TMEM117: variants seen among roughly 807,000 people sequenced by gnomAD.
The protein encoded by TMEM117 is transmembrane protein 117.
TMEM117 carries 27 observed loss-of-function variants against 52.4 expected under a neutral mutation model. The observed-to-expected ratio is 0.51, with a 90% CI of 0.38 to 0.71. The LOEUF is 0.71. Among genes scored for constraint, TMEM117 ranks in the 30% least tolerant of loss-of-function variants. The probability of loss-of-function intolerance (pLI) is 0.00; values close to 1 mark genes in which losing one functional copy is unlikely to be tolerated. For synonymous variants in TMEM117, 215 were observed against 206.3 expected, an observed-to-expected ratio of 1.04 and a Z score of -0.36; for missense variants, 556 against 630.5, an observed-to-expected ratio of 0.88 and a Z score of 1.26.
chr12:43,868,942 A>G (rs1623829), intron 2 of TMEM117, among the ~76,000 whole-genome samples: 107,433 of 151,908 alleles, frequency 0.71, 41,542 homozygotes, highest in East Asian at 0.87. Flanking sequence ...AAGACTAGAA[A>G]TTTCTAGAAA....
chr12:44,388,801 G>A lies in TMEM117; in HGVS notation c.*129G>A. ...AAAATATGAACAATGCCACAACGGT[G>A]CTCAACATGCTTTTTCTAGGATTCA... On this transcript the variant is annotated 3_prime_UTR_variant, in exon 8 of 8. Transcript: ENST00000266534. 1.0e-6 allele frequency: 1 copy of A among 969,828 alleles called. No individual in the cohort carries two copies. The highest frequency in any genetic ancestry group is 1.5e-6 in the Non-Finnish European group (1 of 659,752). The allele number at this position is 969,828 out of a possible 1,614,324, so 60.1% of individuals were successfully genotyped here.
chr12:44,289,664 T>G (rs1950680742), intron 5 of TMEM117, among the ~76,000 whole-genome samples: 1 of 150,066 alleles, frequency 6.7e-6, no homozygotes, highest in African/African-American at 2.5e-5. Flanking sequence ...GCGATTCTCC[T>G]GCCTCAGCCT....
In TMEM117 at chr12:44,028,852, C is replaced by T. The variant is rs759239569; in HGVS notation, c.410+84510C>T. On this transcript the variant is annotated intron_variant, in intron 3 of 7. Coordinates refer to ENST00000266534, the MANE Select transcript of TMEM117 (RefSeq NM_032256.3). ...CTTGCACAGGATCCAAGAATGGAGT[C>T]TGGATTGGAACTCCTTTCTTGTAAC... 5.9e-5 allele frequency among the ~76,000 whole-genome samples: 9 copies of T among 152,260 alleles called. No individual in the cohort carries two copies. The Middle Eastern group carries it at 0.014, about 230-fold the overall frequency.
At chr12:44,023,075 AC>A (rs1325122790) in intron 3 of TMEM117, among the ~76,000 whole-genome samples, 2 of 152,170 alleles carry the variant, frequency 1.3e-5, no homozygotes, top group African/African-American at 4.8e-5. Flanking sequence ...TTGCATGAAA[AC>A]AAGGTGACTT....
intron 3 of TMEM117, among the ~76,000 whole-genome samples, chr12:44,058,163 A>G (rs1309734488): frequency 6.6e-6 from 1 of 152,130 alleles, no homozygotes; most frequent in East Asian, 1.9e-4. Flanking sequence ...TTCTGGGACA[A>G]TCATCATACA....
chr12:44,249,352 G>T (rs1378941662), intron 5 of TMEM117, among the ~76,000 whole-genome samples: 1 of 152,066 alleles, frequency 6.6e-6, no homozygotes, highest in Non-Finnish European at 1.5e-5. Context: ...TCCAAATATG[G>T]TCAAGATTTT....
At chr12:44,292,427 T>C (rs1047233298) in intron 5 of TMEM117, among the ~76,000 whole-genome samples, 2 of 152,034 alleles carry the variant, frequency 1.3e-5, no homozygotes, top group African/African-American at 2.4e-5. Flanking sequence ...TGGTATTTCA[T>C]TGTTTTATTA....
the TMEM117 span, among the ~76,000 whole-genome samples, chr12:43,819,004 T>C: frequency 6.6e-6 from 1 of 152,200 alleles, no homozygotes; most frequent in Non-Finnish European, 1.5e-5. Flanking sequence ...TTCTCCATGA[T>C]GTGATGCATA....
At chr12:43,979,070 A>G (rs1320473817) in intron 3 of TMEM117, among the ~76,000 whole-genome samples, 1 of 151,888 alleles carries the variant, frequency 6.6e-6, no homozygotes, top group African/African-American at 2.4e-5. Flanking sequence ...TTGGGATAGA[A>G]AACAGGTTTT....
chr12:44,296,928 A>T (rs1473852615), intron 5 of TMEM117, among the ~76,000 whole-genome samples: 1 of 152,150 alleles, frequency 6.6e-6, no homozygotes, highest in Non-Finnish European at 1.5e-5. Context: ...TGTATCCAGG[A>T]CCACTGTTCA....
chr12:43,872,064 C>G (rs1159294627), intron 2 of TMEM117, among the ~76,000 whole-genome samples: 1 of 152,074 alleles, frequency 6.6e-6, no homozygotes, highest in East Asian at 1.9e-4. Context: ...CAGCTAATTC[C>G]TTTTTTACTT....
chr12:44,345,514 CAT>C (rs1951473873), intron 6 of TMEM117, among the ~76,000 whole-genome samples: 1 of 152,032 alleles, frequency 6.6e-6, no homozygotes. Flanking sequence ...TGATTAAATA[CAT>C]AGTGATGATT....
chr12:43,980,896 TA>T (rs2137720315), intron 3 of TMEM117, among the ~76,000 whole-genome samples: 1 of 152,312 alleles, frequency 6.6e-6, no homozygotes, highest in South Asian at 2.1e-4. Flanking sequence ...AATTTGTGGG[TA>T]ACAAACATTG....
chr12:43,974,215 G>C (rs538457844), intron 3 of TMEM117, among the ~76,000 whole-genome samples: 4 of 152,062 alleles, frequency 2.6e-5, no homozygotes, highest in African/African-American at 9.7e-5. Context: ...CAGAGTAGTG[G>C]CACGTTATTG....
chr12:43,795,898 C>CT, the TMEM117 span: 1 of 720,728 alleles, frequency 1.4e-6, no homozygotes. Context: ...TCACTTTCTT[C>CT]TTTTGGGGGA....
At chr12:44,296,345 G>A (rs1431450817) in intron 5 of TMEM117, among the ~76,000 whole-genome samples, 1 of 152,140 alleles carries the variant, frequency 6.6e-6, no homozygotes, top group African/African-American at 2.4e-5. Flanking sequence ...TAGAGAGTGT[G>A]CTTCAGGGTC....
chr12:44,176,063 G>A (rs1196806833), intron 4 of TMEM117, among the ~76,000 whole-genome samples: 3 of 152,006 alleles, frequency 2.0e-5, no homozygotes, highest in Non-Finnish European at 4.4e-5. Context: ...GAATAAGGAA[G>A]GTGTATTATT....
chr12:44,304,397 C>T (rs1223495239), intron 6 of TMEM117, among the ~76,000 whole-genome samples: 1 of 152,186 alleles, frequency 6.6e-6, no homozygotes, highest in Non-Finnish European at 1.5e-5. Context: ...GTCTAGGCCA[C>T]AAGGACTTGG....
chr12:44,357,858 A>G (rs1048366345), intron 6 of TMEM117, among the ~76,000 whole-genome samples: 1 of 152,162 alleles, frequency 6.6e-6, no homozygotes, highest in Non-Finnish European at 1.5e-5. Context: ...TCTTCCAGAA[A>G]GACACATGCA....
Sources: allele counts gnomAD v4.1 joint callset (sites outside exome capture counted in the v4.1 genomes callset), GRCh38; gene constraint gnomAD v4.1.1; transcripts MANE v1.5; gene names NCBI Gene and HGNC (gene_info 2026-07-23, HGNC 2026-07-21).